CAPNS1: variants seen among roughly 807,000 people sequenced by gnomAD.
The protein encoded by CAPNS1 is calpain small subunit 1, also known as CANP small subunit.
Under a neutral mutation model 39.2 loss-of-function variants are expected in CAPNS1, and 32 were observed. That is an observed-to-expected ratio of 0.82 (90% CI 0.62 to 1.10). The LOEUF (loss-of-function observed/expected upper bound fraction) is 1.10. Ranked by LOEUF, CAPNS1 falls within the 50% of genes least tolerant of loss-of-function variation. The pLI is 0.00. For synonymous variants in CAPNS1, 153 were observed against 136.2 expected (o/e 1.12, Z -0.86); for missense variants, 353 against 373.1 (o/e 0.95, Z 0.44).
chr19:36,144,184 A>G (rs1452310419), intron 6 of CAPNS1: 2 of 150,560 alleles, frequency 1.3e-5, no homozygotes, highest in African/African-American at 2.4e-5. Context: ...CTCAAAAAAA[A>G]AAAAAAAGAA....
At chr19:36,142,509 C>T (rs555333474) in intron 3 of CAPNS1, 143 bp from the exon 4 acceptor site, 10 of 718,736 alleles carry the variant, frequency 1.4e-5, no homozygotes, top group Admixed American at 8.9e-5. Context: ...CACATACGTG[C>T]ACCCCATTCA....
intron 6 of CAPNS1, 130 bp from the exon 7 acceptor site, chr19:36,145,676 G>C: frequency 7.3e-6 from 5 of 686,006 alleles, no homozygotes; most frequent in Non-Finnish European, 1.3e-5. Context: ...CAGGTGATAT[G>C]ACTAGGACCA....
Position 36,149,630 on chromosome 19 carries a change from C to A in CAPNS1, c.774C>A (p.Ile258=), listed in dbSNP as rs1463737989. The part of the protein sequence containing the change: ...KDGTGQIQVN[I]QEWLQLTMYS ...GCACTGGACAAATCCAGGTGAACAT[C>A]CAGGAGGTAAGGACCCCCATATTGG... Residue 258 remains isoleucine, a synonymous_variant, in exon 10 of 11, where the codon ATC becomes ATA. Transcript: ENST00000246533. 1.9e-6 allele frequency: 3 copies of A among 1,560,288 alleles called. No individual in the cohort carries two copies. Among genetic ancestry groups the A allele is most frequent in the South Asian group, 1.2e-5 (1 of 83,330 alleles).
chr19:36,145,683 A>C (rs1419585521), intron 6 of CAPNS1, 123 bp from the exon 7 acceptor site: 1 of 724,860 alleles, frequency 1.4e-6, no homozygotes. Context: ...TATGACTAGG[A>C]CCAAGCGGGA....
chr19:36,146,439 T>TA, intron 9 of CAPNS1, 127 bp downstream of exon 9: 1 of 717,806 alleles, frequency 1.4e-6, no homozygotes, highest in Non-Finnish European at 2.6e-6. Flanking sequence ...TCAGTTCCAG[T>TA]TTCTGCCCTC....
Position 36,142,733 on chromosome 19 carries a change from G to A in CAPNS1, c.325G>A (p.Ala109Thr), listed in dbSNP as rs1240956320. The change falls in exon 4 of 11, where the codon GCT (alanine) becomes ACT (threonine). Residue 109 changes from alanine (A) to threonine (T), a missense_variant. By Grantham distance (58) the Ala-to-Thr change is moderately conservative. Coordinates refer to ENST00000246533, the MANE Select transcript of CAPNS1 (RefSeq NM_001749.4). ...RQFRRLFAQL[A>T]GDDMEVSATE... ...GTTCCGGAGACTCTTTGCCCAGCTGGCTGGAGATGTAAGTAACCTGGGGTC... is the reference window on the plus strand; with the variant it reads ...GTTCCGGAGACTCTTTGCCCAGCTGACTGGAGATGTAAGTAACCTGGGGTC... 6.2e-7 allele frequency: 1 copy of A among 1,613,882 alleles called. No individual in the cohort carries two copies. The highest frequency in any genetic ancestry group is 1.3e-5 in the African/African-American group (1 of 74,894).
At chr19:36,143,594 G>A (rs183706611) in intron 6 of CAPNS1, among the ~76,000 whole-genome samples, 24 of 151,996 alleles carry the variant, frequency 1.6e-4, no homozygotes, top group Non-Finnish European at 1.3e-4. Flanking sequence ...AGGCACGGTG[G>A]CTCACACCTG....
chr19:36,149,761 GGCTGGT>G (rs17879265), intron 10 of CAPNS1, 46 bp from the exon 11 acceptor site: 46,299 of 1,584,852 alleles, frequency 0.029, 787 homozygotes, highest in Non-Finnish European at 0.035. Context: ...AGGGCAAAGG[GGCTGGT>G]GCTCTTGGGG....
In CAPNS1 at chr19:36,141,128, C is replaced by T. The variant is rs17881832; in HGVS notation, c.117C>T (p.Gly39=). 1.0e-5 allele frequency: 14 copies of T among 1,354,718 alleles called. No homozygotes were observed. The Admixed American group carries it at 1.6e-4, about 15-fold the overall frequency. The allele number at this position is 1,354,718 out of a possible 1,614,324, so 83.9% of individuals were successfully genotyped here. A position where few individuals can be genotyped will look rare whatever the true frequency, so the allele number is the denominator to read the frequency against. ...GCCTGATCAGCGGGGCCGGGGGCGG[C>T]GGCGGCGGCGGCGGCGGCGGCGGCG... The part of the protein sequence containing the change: ...LGGLISGAGG[G]GGGGGGGGGG... Residue 39 remains glycine (G), a synonymous_variant, in exon 2 of 11, where the codon GGC becomes GGT. Transcript: ENST00000246533.
intron 2 of CAPNS1, 198 bp downstream of exon 2, chr19:36,141,418 T>C (rs1004688092): frequency 2.0e-5 from 27 of 1,322,172 alleles, no homozygotes; most frequent in Middle Eastern, 2.9e-4. Flanking sequence ...ATATCAGTCA[T>C]TGGGGGCGGT....
intron 4 of CAPNS1, 66 bp downstream of exon 4, chr19:36,142,807 C>G: frequency 2.5e-6 from 4 of 1,581,386 alleles, no homozygotes. Context: ...GCTGCCCTTG[C>G]ACACACACCC....
intron 3 of CAPNS1, 34 bp from the exon 4 acceptor site, chr19:36,142,618 C>T (rs761953872): frequency 6.3e-7 from 1 of 1,593,320 alleles, no homozygotes; most frequent in East Asian, 2.2e-5. Context: ...GCCGGGTTCC[C>T]CTCCCCCTGC....
chr19:36,147,494 C>T (rs954738247), intron 9 of CAPNS1, among the ~76,000 whole-genome samples: 1 of 152,040 alleles, frequency 6.6e-6, no homozygotes, highest in Non-Finnish European at 1.5e-5. Context: ...CGGCTGGGCA[C>T]GGTGGCTCAC....
intron 9 of CAPNS1, 93 bp from the exon 10 acceptor site, chr19:36,149,485 T>C: frequency 8.1e-7 from 1 of 1,239,056 alleles, no homozygotes; most frequent in Non-Finnish European, 1.1e-6. Context: ...CCAGCTGCTA[T>C]GATTGTCATC....
chr19:36,142,711 C>G lies in CAPNS1; in HGVS notation c.303C>G (p.Phe101Leu). The change falls in exon 4 of 11, where the codon TTC (phenylalanine) becomes TTG (leucine). Residue 101 changes from phenylalanine to leucine, a missense_variant. Phe to Leu is a conservative substitution (Grantham distance 22). Coordinates refer to ENST00000246533, the MANE Select transcript of CAPNS1 (RefSeq NM_001749.4). ...ACGAGAGTGAGGAGGTCCGGCAGTT[C>G]CGGAGACTCTTTGCCCAGCTGGCTG... Reference protein sequence around the residue: ...EANESEEVRQFRRLFAQLAGD... With the variant: ...EANESEEVRQLRRLFAQLAGD... The G allele has an allele frequency of 1.2e-6, 2 of 1,614,116 alleles. No homozygotes were observed. The highest frequency in any genetic ancestry group is 1.7e-6 in the Non-Finnish European group (2 of 1,180,012).
In CAPNS1 at chr19:36,146,214, A is replaced by G. The variant is rs1484620249; in HGVS notation, c.623A>G (p.His208Arg). Residue 208 changes from histidine to arginine, a missense_variant, in exon 9 of 11, where the codon CAT becomes CGT. His to Arg is a conservative substitution (Grantham distance 29, BLOSUM62 0). Transcript: ENST00000246533. The part of the protein sequence containing the change: ...FEAAGFHLNE[H>R]LYNMIIRRYS... ...ATCTTAGGGTTCCACCTGAATGAGC[A>G]TCTCTATAACATGATCATCCGACGC... 3 of 1,613,414 alleles carry G rather than the reference A, an allele frequency of 1.9e-6. No individual in the cohort carries two copies. In the East Asian group the frequency reaches 6.7e-5, roughly 36 times the overall value.
rs201700449 is a variant in CAPNS1, at chr19:36,141,185, C to T, written c.174C>T (p.Ala58=). Residue 58 remains alanine (A), a synonymous_variant, in exon 2 of 11, where the codon GCC becomes GCT. Transcript: ENST00000246533. ...GAGGCGGCGGTGGCGGTGGAACGGC[C>T]ATGCGCATCCTAGGCGGAGTCATCA... ...GGGGGGGGGT[A]MRILGGVISA... 57 of 1,449,032 alleles carry T rather than the reference C, an allele frequency of 3.9e-5. No individual in the cohort carries two copies. The African/African-American group carries it at 6.5e-4, about 17-fold the overall frequency. 89.8% of individuals were successfully genotyped at this position (1,449,032 alleles called of 1,614,324 possible).
chr19:36,140,993 C>G lies in CAPNS1; in HGVS notation c.-15-4C>G. 1 of 1,600,142 alleles carries G rather than the reference C, an allele frequency of 6.2e-7. No homozygotes were observed. The highest frequency in any genetic ancestry group is 8.5e-7 in the Non-Finnish European group (1 of 1,174,198). On this transcript the variant is annotated splice_region_variant and splice_polypyrimidine_tract_variant and intron_variant, in intron 1 of 10. Transcript: ENST00000246533. ...CACCCACTGGTCCCCTTTTTTCCCC[C>G]CAGCAGTGAGTCGCAGCCATGTTCC...
At chr19:36,145,203 C>CTTTTTTTTTT (rs5827950) in intron 6 of CAPNS1, among the ~76,000 whole-genome samples, 4 of 118,296 alleles carry the variant, frequency 3.4e-5, no homozygotes, top group African/African-American at 1.3e-4. Flanking sequence ...TTTTCTTTCT[C>CTTTTTTTTTT]TTTTTTTTTT....
Sources: gnomAD v4.1 joint callset for allele counts (sites outside exome capture counted in the v4.1 genomes callset) on GRCh38, gnomAD v4.1.1 for gene constraint, MANE v1.5 for transcripts, NCBI Gene and HGNC (gene_info 2026-07-23, HGNC 2026-07-21) for gene names.